The following SSBP2 variants were observed in gnomAD, a reference collection of about 807,000 sequenced individuals.
SSBP2 encodes single-stranded DNA-binding protein 2.
In SSBP2, 17 loss-of-function variants were observed where a neutral mutation model predicts 61.8. The observed-to-expected ratio is 0.28, with a 90% CI of 0.19 to 0.41. The LOEUF is 0.41. SSBP2 is among the 10% of genes least tolerant of loss of function. The pLI is 1.00. For missense variants in SSBP2, 310 were observed against 458.7 expected (o/e 0.68, Z 2.96); for synonymous variants, 139 against 141.3 (o/e 0.98, Z 0.12).
chr5:81,442,895 A>G, intron 12 of SSBP2, 172 bp from the exon 13 acceptor site: 1 of 403,254 alleles, frequency 2.5e-6, no homozygotes, highest in Non-Finnish European at 4.4e-6. Context: ...TGACCCCAAA[A>G]TTGTCATTCT....
intron 4 of SSBP2, among the ~76,000 whole-genome samples, chr5:81,592,124 T>C (rs948024250): frequency 2.0e-5 from 3 of 152,146 alleles, no homozygotes; most frequent in African/African-American, 7.2e-5. Context: ...GAAAATCGGG[T>C]CACTCCCACC....
rs556222295 is a variant in SSBP2 at position 81,721,375 on chromosome 5, CAGGTAGCTACTTCAG to C, written c.62+29591_62+29605del. ...AAAACAAAAACAAACAAAAATCTTA[CAGGTAGCTACTTCAG>C]ACTGATGTCCCAGTGAAGCACCCAA... On this transcript the variant is annotated intron_variant, in intron 1 of 16. Coordinates refer to ENST00000320672, the MANE Select transcript of SSBP2 (RefSeq NM_012446.5). Among the ~76,000 whole-genome samples, 22 of 152,142 alleles carry C rather than the reference CAGGTAGCTACTTCAG, an allele frequency of 1.4e-4. No individual in the cohort carries two copies. In the South Asian group the frequency reaches 4.6e-3, roughly 32 times the overall value.
At chr5:81,570,476 A>G (rs998113392) in intron 4 of SSBP2, among the ~76,000 whole-genome samples, 2 of 152,222 alleles carry the variant, frequency 1.3e-5, no homozygotes, top group African/African-American at 4.8e-5. Flanking sequence ...TCATAAATAT[A>G]TAACAAGATC....
At chr5:81,496,062 G>A (rs1767252644) in intron 5 of SSBP2, among the ~76,000 whole-genome samples, 1 of 152,118 alleles carries the variant, frequency 6.6e-6, no homozygotes, top group African/African-American at 2.4e-5. Context: ...GAAGTCTGAG[G>A]TACAGTTCTA....
intron 3 of SSBP2, among the ~76,000 whole-genome samples, chr5:81,627,482 A>T (rs999025746): frequency 5.3e-5 from 8 of 152,190 alleles, no homozygotes; most frequent in African/African-American, 1.9e-4. Flanking sequence ...TATAAATATT[A>T]TACCATTCTA....
intron 1 of SSBP2, among the ~76,000 whole-genome samples, chr5:81,665,274 A>G (rs1041936051): frequency 6.6e-6 from 1 of 152,078 alleles, no homozygotes; most frequent in East Asian, 1.9e-4. Flanking sequence ...AAGCAAGGCT[A>G]GAGAATAAAT....
At chr5:81,509,631 T>C (rs772427823) in intron 5 of SSBP2, among the ~76,000 whole-genome samples, 1 of 152,198 alleles carries the variant, frequency 6.6e-6, no homozygotes, top group Non-Finnish European at 1.5e-5. Flanking sequence ...TTTAATATTT[T>C]AGAGAGTCAT....
intron 8 of SSBP2, among the ~76,000 whole-genome samples, chr5:81,472,894 C>T (rs1406003152): frequency 2.0e-5 from 3 of 152,078 alleles, no homozygotes; most frequent in Non-Finnish European, 4.4e-5. Flanking sequence ...AGCCACTGCG[C>T]CCAGCCAACT....
At chr5:81,629,311 G>T (rs1747473817) in intron 3 of SSBP2, among the ~76,000 whole-genome samples, 1 of 152,164 alleles carries the variant, frequency 6.6e-6, no homozygotes, top group African/African-American at 2.4e-5. Context: ...TTATGTTGAT[G>T]CCAACTGAGT....
At chr5:81,626,674 C>G (rs1166124743) in intron 3 of SSBP2, among the ~76,000 whole-genome samples, 1 of 151,854 alleles carries the variant, frequency 6.6e-6, no homozygotes, top group Non-Finnish European at 1.5e-5. Flanking sequence ...CCTGAATATC[C>G]TATGGCAACC....
chr5:81,473,931 C>A (rs976233260), intron 7 of SSBP2, among the ~76,000 whole-genome samples, 161 bp from the exon 8 acceptor site: 5 of 152,222 alleles, frequency 3.3e-5, no homozygotes, highest in Non-Finnish European at 5.9e-5. Flanking sequence ...CCTCTTACCA[C>A]TACCTACCCA....
chr5:81,469,378 CT>C (rs950854195), intron 8 of SSBP2, among the ~76,000 whole-genome samples: 5 of 151,216 alleles, frequency 3.3e-5, no homozygotes, highest in Non-Finnish European at 7.4e-5. Flanking sequence ...ACTGCTAACT[CT>C]TTTTTTTTCT....
At chr5:81,644,691 G>A (rs1013998225) in intron 2 of SSBP2, among the ~76,000 whole-genome samples, 2 of 152,116 alleles carry the variant, frequency 1.3e-5, no homozygotes, top group Admixed American at 1.3e-4. Flanking sequence ...GAGAAAAACA[G>A]AAAACTTCAG....
chr5:81,750,730 C>A, intron 1 of SSBP2: 1 of 538,112 alleles, frequency 1.9e-6, no homozygotes, highest in Non-Finnish European at 3.3e-6. Flanking sequence ...GCCACCAGCA[C>A]CACCGCCGCC....
At chr5:81,437,759 C>T (rs1228637529) in intron 14 of SSBP2, 6 of 193,066 alleles carry the variant, frequency 3.1e-5, no homozygotes, top group Non-Finnish European at 6.3e-5. Context: ...ATTTTATATA[C>T]CCTACCCAAT....
intron 1 of SSBP2, among the ~76,000 whole-genome samples, chr5:81,650,755 T>C (rs1237831253): frequency 6.6e-6 from 1 of 152,170 alleles, no homozygotes; most frequent in Non-Finnish European, 1.5e-5. Context: ...CGAATGTTAA[T>C]ATAAACTCTA....
chr5:81,711,097 T>G (rs1449470149), intron 1 of SSBP2, among the ~76,000 whole-genome samples: 1 of 152,032 alleles, frequency 6.6e-6, no homozygotes, highest in East Asian at 1.9e-4. Flanking sequence ...GGCATAAACT[T>G]AAATAGTTAA....
At chr5:81,708,903 AC>A (rs1248147510) in intron 1 of SSBP2, among the ~76,000 whole-genome samples, 7 of 151,990 alleles carry the variant, frequency 4.6e-5, no homozygotes, top group Non-Finnish European at 1.0e-4. Context: ...CAATTTAAAG[AC>A]AATTAAATCT....
chr5:81,750,877 C>A, intron 1 of SSBP2, 104 bp downstream of exon 1: 1 of 1,305,546 alleles, frequency 7.7e-7, no homozygotes, highest in South Asian at 1.3e-5. Flanking sequence ...CCACCCCCGG[C>A]GCTCCCCGGG....
Sources: allele counts gnomAD v4.1 joint callset (sites outside exome capture counted in the v4.1 genomes callset), GRCh38; gene constraint gnomAD v4.1.1; transcripts MANE v1.5; gene names NCBI Gene and HGNC (gene_info 2026-07-23, HGNC 2026-07-21).